The following TRAK1 variants were observed in gnomAD, a reference collection of about 807,000 sequenced individuals.
TRAK1 encodes trafficking kinesin-binding protein 1.
Under a neutral mutation model 92.1 loss-of-function variants are expected in TRAK1, and 33 were observed. The observed-to-expected ratio is 0.36, with a 90% CI of 0.27 to 0.48. The LOEUF (loss-of-function observed/expected upper bound fraction) is 0.48. TRAK1 is among the 20% of genes least tolerant of loss of function. The probability of loss-of-function intolerance (pLI) is 0.99; values close to 1 mark genes in which losing one functional copy is unlikely to be tolerated. For synonymous variants in TRAK1, 521 were observed against 517.3 expected, an observed-to-expected ratio of 1.01 and a Z score of -0.10; for missense variants, 1,123 against 1,257.9, an observed-to-expected ratio of 0.89 and a Z score of 1.62.
In TRAK1 at chr3:42,225,788, A is replaced by G. The variant is rs1372718794; in HGVS notation, c.*2051A>G. The G allele has an allele frequency of 1.3e-5, 2 of 152,192 alleles. No homozygotes were observed. The highest frequency in any genetic ancestry group is 2.9e-5 in the Non-Finnish European group (2 of 68,022). 9.4% of individuals were successfully genotyped at this position (152,192 alleles called of 1,614,324 possible). A position where few individuals can be genotyped will look rare whatever the true frequency, so the allele number is the denominator to read the frequency against. On this transcript the variant is annotated 3_prime_UTR_variant, in exon 16 of 16. Coordinates refer to ENST00000327628, the MANE Select transcript of TRAK1 (RefSeq NM_001042646.3). ...TGATGGAAACCACACTGGTATTCTG[A>G]TTTGTATTTTGTTTTTATCTTTTCA...
chr3:42,155,937 C>T lies in TRAK1; in HGVS notation c.287-20877C>T, dbSNP rs547927034. The stretch of plus-strand genomic sequence containing the variant: ...GGAGACAGAGAATGATGTGCCTCCG[C>T]CCTGCAAGAGGTGATTGACCCTCCC... On this transcript the variant is annotated intron_variant, in intron 2 of 15. Coordinates refer to ENST00000327628, the MANE Select transcript of TRAK1 (RefSeq NM_001042646.3). Among the ~76,000 whole-genome samples the T allele has an allele frequency of 2.0e-5, 3 of 152,286 alleles. No homozygotes were observed. In the East Asian group the frequency reaches 5.8e-4, roughly 29 times the overall value.
intron 2 of TRAK1, among the ~76,000 whole-genome samples, chr3:42,138,874 GGGGTGTGTGT>G (rs770312580): frequency 0.024 from 1,243 of 51,030 alleles, 8 homozygotes; most frequent in Non-Finnish European, 0.04. Context: ...GAAAGCATAG[GGGGTGTGTGT>G]GTGTGTGTGT....
At chr3:42,047,346 C>A (rs1026204266) in intron 1 of TRAK1, among the ~76,000 whole-genome samples, 2 of 150,996 alleles carry the variant, frequency 1.3e-5, no homozygotes, top group African/African-American at 2.4e-5. Flanking sequence ...CAGGTACACA[C>A]CACTGTGCCC....
chr3:42,184,371 G>A (rs1440067273), intron 3 of TRAK1, among the ~76,000 whole-genome samples: 1 of 152,222 alleles, frequency 6.6e-6, no homozygotes, highest in Non-Finnish European at 1.5e-5. Context: ...TCAAGTGACT[G>A]CACAAATATC....
chr3:42,104,661 CAGAA>C (rs1229138281), intron 1 of TRAK1, among the ~76,000 whole-genome samples: 1 of 152,192 alleles, frequency 6.6e-6, no homozygotes, highest in African/African-American at 2.4e-5. Context: ...AACTAACAAA[CAGAA>C]AGGAATCCAC....
chr3:42,073,095 A>C (rs1266309900), intron 1 of TRAK1, among the ~76,000 whole-genome samples: 1 of 152,222 alleles, frequency 6.6e-6, no homozygotes, highest in African/African-American at 2.4e-5. Flanking sequence ...TCCACATACA[A>C]GTCTGCCCTG....
chr3:42,166,141 A>AT (rs982926106), intron 2 of TRAK1, among the ~76,000 whole-genome samples: 1 of 152,094 alleles, frequency 6.6e-6, no homozygotes, highest in African/African-American at 2.4e-5. Flanking sequence ...CGAGGGTACG[A>AT]TTCATTTATT....
chr3:42,088,755 G>A (rs1357352434), upstream of TRAK1, among the ~76,000 whole-genome samples: 1 of 152,134 alleles, frequency 6.6e-6, no homozygotes, highest in Non-Finnish European at 1.5e-5. Context: ...CTGTGTCCTG[G>A]AAGTACAGTC....
intron 3 of TRAK1, among the ~76,000 whole-genome samples, chr3:42,183,527 C>T (rs542346363): frequency 3.5e-5 from 5 of 142,294 alleles, no homozygotes; most frequent in Admixed American, 2.2e-4. Context: ...CTGTATCCAA[C>T]CTGGGTGACA....
Position 42,225,833 on chromosome 3 carries a change from A to G in TRAK1, c.*2096A>G, listed in dbSNP as rs1710702428. The G allele has an allele frequency of 6.6e-6, 1 of 152,212 alleles. No individual in the cohort carries two copies. Among genetic ancestry groups the G allele is most frequent in the South Asian group, 2.1e-4 (1 of 4,824 alleles). 9.4% of individuals were successfully genotyped at this position (152,212 alleles called of 1,614,324 possible). On this transcript the variant is annotated 3_prime_UTR_variant, in exon 16 of 16. Coordinates refer to ENST00000327628, the MANE Select transcript of TRAK1 (RefSeq NM_001042646.3). The stretch of plus-strand genomic sequence containing the variant: ...TTTTCATCAAGGAGACGATCTCTTT[A>G]TGTAAGACTTGAAAGTGTTTAGCTC...
chr3:42,139,099 A>G (rs867386916), intron 2 of TRAK1, among the ~76,000 whole-genome samples: 4 of 152,136 alleles, frequency 2.6e-5, no homozygotes, highest in Admixed American at 6.5e-5. Context: ...ATCTGCTAAC[A>G]AAGCTAATGG....
chr3:42,125,657 C>T, intron 2 of TRAK1, 43 bp downstream of exon 2: 1 of 1,599,192 alleles, frequency 6.3e-7, no homozygotes, highest in Non-Finnish European at 8.6e-7. Context: ...GTATCATGAT[C>T]AGGTCTTCTT....
At chr3:42,043,999 T>C (rs1440786919) in intron 1 of TRAK1, among the ~76,000 whole-genome samples, 1 of 152,266 alleles carries the variant, frequency 6.6e-6, no homozygotes, top group Non-Finnish European at 1.5e-5. Context: ...GTTTGTCATC[T>C]GCTGGTGGGC....
At chr3:42,195,390 C>T (rs1384156447) in intron 10 of TRAK1, among the ~76,000 whole-genome samples, 2 of 152,212 alleles carry the variant, frequency 1.3e-5, no homozygotes, top group East Asian at 3.8e-4. Flanking sequence ...TCAAGAACTC[C>T]TGTGTATTCC....
chr3:42,014,329 C>T (rs1485932601), intron 1 of TRAK1, among the ~76,000 whole-genome samples: 1 of 152,164 alleles, frequency 6.6e-6, no homozygotes, highest in African/African-American at 2.4e-5. Flanking sequence ...TCGTGTCGGC[C>T]ACGCCGCGTG....
chr3:42,157,457 C>CAAAAAAA (rs60622565), intron 2 of TRAK1, among the ~76,000 whole-genome samples: 4,515 of 31,044 alleles, frequency 0.15, 1,506 homozygotes, highest in East Asian at 0.4. Flanking sequence ...GACCCTGTCT[C>CAAAAAAA]AAAAAAAAAA....
At chr3:42,176,177 A>G (rs1703183494) in intron 2 of TRAK1, among the ~76,000 whole-genome samples, 1 of 152,114 alleles carries the variant, frequency 6.6e-6, no homozygotes, top group Admixed American at 6.6e-5. Context: ...ATGTAATGAA[A>G]TATTACTCTG....
At chr3:42,048,738 A>G (rs2007199) in intron 1 of TRAK1, among the ~76,000 whole-genome samples, 15,087 of 151,634 alleles carry the variant, frequency 0.099, 2,572 homozygotes, top group African/African-American at 0.35. Context: ...CAATTTTTGT[A>G]TTTTTAGTAG....
intron 1 of TRAK1, among the ~76,000 whole-genome samples, chr3:42,029,129 CA>C (rs1410961849): frequency 6.6e-6 from 1 of 152,096 alleles, no homozygotes; most frequent in Non-Finnish European, 1.5e-5. Context: ...TAAACAGTAC[CA>C]AGGGGGATGG....
Sources: allele counts gnomAD v4.1 joint callset (sites outside exome capture counted in the v4.1 genomes callset), GRCh38; gene constraint gnomAD v4.1.1; transcripts MANE v1.5; gene names NCBI Gene and HGNC (gene_info 2026-07-23, HGNC 2026-07-21).